Variants in YIPF1 observed in about 807,000 individuals in gnomAD.
YIPF1 encodes Yip1 domain family member 1, also known as protein YIPF1.
Under a neutral mutation model 37.0 loss-of-function variants are expected in YIPF1, and 22 were observed. The ratio of observed to expected loss-of-function variants is 0.59; its 90% CI spans 0.42 to 0.85. YIPF1 has a LOEUF of 0.85. Among genes scored for constraint, YIPF1 ranks in the 40% least tolerant of loss-of-function variants. The probability of loss-of-function intolerance (pLI) is 0.00; values close to 1 mark genes in which losing one functional copy is unlikely to be tolerated. For missense variants in YIPF1, 355 were observed against 373.1 expected (o/e 0.95, Z 0.40); for synonymous variants, 128 against 131.9 (o/e 0.97, Z 0.21).
At chr1:53,865,822 AC>A (rs1376429270) in intron 9 of YIPF1, among the ~76,000 whole-genome samples, 2 of 152,076 alleles carry the variant, frequency 1.3e-5, no homozygotes, top group Admixed American at 6.6e-5. Flanking sequence ...TCCCTCGGTC[AC>A]CCAGGCCGGA....
At chr1:53,866,173 CAA>C in intron 9 of YIPF1, 25 bp downstream of exon 9, 1 of 1,603,564 alleles carries the variant, frequency 6.2e-7, no homozygotes, top group Non-Finnish European at 8.5e-7. Flanking sequence ...TAAAACACAC[CAA>C]AAGAATATAC....
At chr1:53,862,469 A>C (rs1020178294) in intron 9 of YIPF1, among the ~76,000 whole-genome samples, 3 of 152,190 alleles carry the variant, frequency 2.0e-5, no homozygotes, top group Non-Finnish European at 4.4e-5. Flanking sequence ...TTAGGCTTGT[A>C]CATCTCCAAA....
At chr1:53,882,299 C>T (rs576808070) in intron 4 of YIPF1, among the ~76,000 whole-genome samples, 3 of 152,234 alleles carry the variant, frequency 2.0e-5, no homozygotes, top group African/African-American at 7.2e-5. Flanking sequence ...CCTGTACCTC[C>T]TGCACATGAC....
In YIPF1 at chr1:53,855,008, A is replaced by C. The variant is rs554390097; in HGVS notation, c.*9-2738T>G. On this transcript the variant is annotated intron_variant, in intron 10 of 10. Transcript: ENST00000072644. Reference sequence around the variant, plus strand: ...GAAAATAAGTAATACTACCTGGAGAAGTCAAGAAAAACTTCAGCAAGGAGA... The same window carrying C: ...GAAAATAAGTAATACTACCTGGAGACGTCAAGAAAAACTTCAGCAAGGAGA... 1.3e-5 allele frequency: 2 copies of C among 151,986 alleles called. 1 individual carries two copies. Among genetic ancestry groups the C allele is most frequent in the East Asian group, 3.9e-4 (2 of 5,136 alleles). 9.4% of individuals were successfully genotyped at this position (151,986 alleles called of 1,614,324 possible). A position where few individuals can be genotyped will look rare whatever the true frequency, so the allele number is the denominator to read the frequency against.
intron 1 of YIPF1, 80 bp downstream of exon 1, chr1:53,889,633 T>G (rs2100748613): frequency 6.6e-6 from 1 of 152,572 alleles, no homozygotes; most frequent in South Asian, 2.1e-4. Flanking sequence ...GGAGAGGAGC[T>G]GGGCCGCGGC....
At chr1:53,878,465 C>T in intron 5 of YIPF1, 63 bp from the exon 6 acceptor site, 1 of 1,561,420 alleles carries the variant, frequency 6.4e-7, no homozygotes, top group Non-Finnish European at 8.8e-7. Flanking sequence ...TCAACTACTA[C>T]AAAATTGAAA....
intron 7 of YIPF1, among the ~76,000 whole-genome samples, chr1:53,869,364 T>C (rs1650118308): frequency 1.3e-5 from 2 of 152,144 alleles, no homozygotes; most frequent in Non-Finnish European, 2.9e-5. Flanking sequence ...ATAGTTAATG[T>C]TTATTGAACT....
chr1:53,872,093 G>A (rs758251301), intron 6 of YIPF1, among the ~76,000 whole-genome samples: 15 of 149,524 alleles, frequency 1.0e-4, no homozygotes, highest in Admixed American at 2.7e-4. Flanking sequence ...TACACCTACT[G>A]TCTACCCACA....
intron 3 of YIPF1, among the ~76,000 whole-genome samples, chr1:53,887,415 A>T (rs1650685355): frequency 6.6e-6 from 1 of 151,910 alleles, no homozygotes; most frequent in Non-Finnish European, 1.5e-5. Flanking sequence ...AGCTACTGGA[A>T]GGTTCTGAAA....
chr1:53,856,153 C>T (rs1309558754), intron 10 of YIPF1, among the ~76,000 whole-genome samples: 2 of 152,226 alleles, frequency 1.3e-5, no homozygotes, highest in African/African-American at 2.4e-5. Context: ...TTCATCACTA[C>T]CTCATTTGGA....
Position 53,889,058 on chromosome 1 carries a change from G to T in YIPF1, c.-49-72C>A, listed in dbSNP as rs1650732843. Reference sequence around the variant, plus strand: ...ATCTGCAAACAACTCTTATGTATTAGAAATGGTATCACTTTCCCTTGCCTC... The same window carrying T: ...ATCTGCAAACAACTCTTATGTATTATAAATGGTATCACTTTCCCTTGCCTC... On this transcript the variant is annotated intron_variant, in intron 2 of 10. Transcript: ENST00000072644. 6.3e-6 allele frequency: 5 copies of T among 791,220 alleles called. No homozygotes were observed. The Admixed American group carries it at 7.8e-5, about 12-fold the overall frequency. The allele number at this position is 791,220 out of a possible 1,614,324, so 49.0% of individuals were successfully genotyped here. A position where few individuals can be genotyped will look rare whatever the true frequency, so the allele number is the denominator to read the frequency against.
chr1:53,868,249 C>T (rs180766945), intron 7 of YIPF1, among the ~76,000 whole-genome samples: 10 of 152,278 alleles, frequency 6.6e-5, no homozygotes, highest in Non-Finnish European at 1.5e-4. Flanking sequence ...TATTGATCAA[C>T]TACTGGGCAT....
At chr1:53,853,692 T>C (rs1034738228) in intron 10 of YIPF1, among the ~76,000 whole-genome samples, 4 of 152,126 alleles carry the variant, frequency 2.6e-5, no homozygotes, top group Admixed American at 1.3e-4. Context: ...AAGAGAAACA[T>C]TGCCAACAAA....
chr1:53,854,393 T>C (rs1057279712), intron 10 of YIPF1, among the ~76,000 whole-genome samples: 5 of 152,246 alleles, frequency 3.3e-5, no homozygotes, highest in Middle Eastern at 3.2e-3. Context: ...AGTTGGTCCC[T>C]AATGTCACCA....
chr1:53,878,289 G>T, intron 6 of YIPF1, 26 bp downstream of exon 6: 1 of 1,608,004 alleles, frequency 6.2e-7, no homozygotes, highest in South Asian at 1.1e-5. Context: ...ACTGAAATAC[G>T]GTAAACAAAT....
At chr1:53,872,044 C>CTT (rs888884325) in intron 6 of YIPF1, among the ~76,000 whole-genome samples, 3 of 138,106 alleles carry the variant, frequency 2.2e-5, no homozygotes, top group Non-Finnish European at 3.1e-5. Flanking sequence ...AAGGCTTTTT[C>CTT]TTTTTTTTTT....
At chr1:53,880,519 T>G (rs544715507) in intron 4 of YIPF1, among the ~76,000 whole-genome samples, 1 of 152,302 alleles carries the variant, frequency 6.6e-6, no homozygotes, top group South Asian at 2.1e-4. Context: ...CCACTCCCAG[T>G]AAACTACCAT....
In YIPF1 at chr1:53,871,352, G is replaced by C. The variant is rs376825433; in HGVS notation, c.481+20C>G. On this transcript the variant is annotated intron_variant, in intron 7 of 10. Transcript: ENST00000072644. ...GCTAGAAACTGACAGCATTCCAAAT[G>C]AGTCAAGCTATTCACCAACCTTTTC... 55 of 1,599,516 alleles carry C rather than the reference G, an allele frequency of 3.4e-5. No individual in the cohort carries two copies. Among genetic ancestry groups the C allele is most frequent in the Non-Finnish European group, 4.0e-5 (47 of 1,167,434 alleles).
rs558999606 is a variant in YIPF1 at position 53,883,330 on chromosome 1, C to T, written c.32-54G>A. On this transcript the variant is annotated intron_variant, in intron 3 of 10. Coordinates refer to ENST00000072644, the MANE Select transcript of YIPF1 (RefSeq NM_018982.5). ...AGAAACCTTACCCACACTAGAAATG[C>T]TATACTTTGAATTTAAAGACAAGCT... is the stretch of plus-strand genomic sequence containing the variant. 735 of 1,452,868 alleles carry T rather than the reference C, an allele frequency of 5.1e-4. 10 individuals carry two copies. In the South Asian group the frequency reaches 9.5e-3, roughly 19 times the overall value. 90.0% of individuals were successfully genotyped at this position (1,452,868 alleles called of 1,614,324 possible).
Sources: allele counts gnomAD v4.1 joint callset (sites outside exome capture counted in the v4.1 genomes callset), GRCh38; gene constraint gnomAD v4.1.1; transcripts MANE v1.5; gene names NCBI Gene and HGNC (gene_info 2026-07-23, HGNC 2026-07-21).